The following TSPAN18 variants were observed in gnomAD, a reference collection of about 807,000 sequenced individuals.
TSPAN18 encodes tetraspanin-18.
A neutral mutation model predicts 27.3 loss-of-function variants in TSPAN18; 14 were observed. The ratio of observed to expected loss-of-function variants is 0.51; its 90% CI spans 0.34 to 0.80. The LOEUF (loss-of-function observed/expected upper bound fraction) is 0.80, where lower values mean the gene tolerates loss of function less well. Among genes scored for constraint, TSPAN18 ranks in the 30% least tolerant of loss-of-function variants. TSPAN18 has a pLI of 0.01. For missense variants in TSPAN18, 268 were observed against 323.9 expected (o/e 0.83, Z 1.32); for synonymous variants, 143 against 136.5 (o/e 1.05, Z -0.33).
At chr11:44,887,194 C>G (rs1365594058) in intron 3 of TSPAN18, among the ~76,000 whole-genome samples, 1 of 152,226 alleles carries the variant, frequency 6.6e-6, no homozygotes, top group Non-Finnish European at 1.5e-5. Context: ...GGGCCCCTGC[C>G]CCATGCCCCA....
chr11:44,790,998 G>A lies in TSPAN18; in HGVS notation c.-153+26486G>A, dbSNP rs192077712. 8.7e-4 allele frequency among the ~76,000 whole-genome samples: 132 copies of A among 152,314 alleles called. 2 individuals are homozygous for A. The highest frequency in any genetic ancestry group is 2.9e-3 in the African/African-American group (121 of 41,554). ...GTCCCCTCTTCTCCTGGGGGCATCA[G>A]TGCAGAGTCTATCCTGAGACTTCTC... On this transcript the variant is annotated intron_variant, in intron 2 of 9. Coordinates refer to ENST00000520358, the MANE Select transcript of TSPAN18 (RefSeq NM_130783.5).
rs1860479325 is a variant in TSPAN18 at position 44,929,186 on chromosome 11, GGCCTGAA to G, written c.*17_*23del. 6.2e-7 allele frequency: 1 copy of G among 1,613,360 alleles called. No individual in the cohort carries two copies. The highest frequency in any genetic ancestry group is 1.3e-5 in the African/African-American group (1 of 74,894). ...TTCCGGGGCATCCAGTAGAGGGTAT[GGCCTGAA>G]GCCTGAAGACTCGCCCCACCCACCA... On this transcript the variant is annotated 3_prime_UTR_variant, in exon 10 of 10. Coordinates refer to ENST00000520358, the MANE Select transcript of TSPAN18 (RefSeq NM_130783.5).
At chr11:44,895,085 T>C (rs1373866084) in intron 3 of TSPAN18, among the ~76,000 whole-genome samples, 2 of 152,154 alleles carry the variant, frequency 1.3e-5, no homozygotes, top group Non-Finnish European at 2.9e-5. Flanking sequence ...AGGAGAAAGG[T>C]ATAGTGGAGT....
At chr11:44,731,293 G>C (rs1010323002) in intron 1 of TSPAN18, among the ~76,000 whole-genome samples, 2 of 152,166 alleles carry the variant, frequency 1.3e-5, no homozygotes, top group African/African-American at 4.8e-5. Context: ...GTGCGTGGTG[G>C]TTAAACTGCC....
intron 2 of TSPAN18, among the ~76,000 whole-genome samples, chr11:44,846,847 G>T (rs945263920): frequency 3.3e-5 from 5 of 152,272 alleles, no homozygotes; most frequent in East Asian, 1.9e-4. Context: ...CCTGGGAGTG[G>T]CAGGTCCCCG....
intron 1 of TSPAN18, among the ~76,000 whole-genome samples, chr11:44,730,775 C>T (rs944553946): frequency 3.3e-5 from 5 of 152,136 alleles, no homozygotes; most frequent in African/African-American, 1.2e-4. Flanking sequence ...AGGTGTGTGC[C>T]ACCACACCTG....
chr11:44,906,025 T>A (rs1038773482), intron 3 of TSPAN18, among the ~76,000 whole-genome samples: 1 of 152,188 alleles, frequency 6.6e-6, no homozygotes, highest in African/African-American at 2.4e-5. Context: ...ACACCTGCAG[T>A]AGAGCAACAA....
chr11:44,900,679 G>C (rs1331755689), intron 3 of TSPAN18, among the ~76,000 whole-genome samples: 1 of 111,318 alleles, frequency 9.0e-6, no homozygotes, highest in African/African-American at 3.8e-5. Context: ...CTTGAGGAAG[G>C]CTTTTTTTTT....
intron 2 of TSPAN18, among the ~76,000 whole-genome samples, chr11:44,810,603 T>C (rs1856691604): frequency 7.1e-6 from 1 of 141,468 alleles, no homozygotes; most frequent in African/African-American, 2.6e-5. Context: ...CAATTTTTTT[T>C]CTTTTTTTTT....
At chr11:44,765,997 C>T (rs190400177) in intron 2 of TSPAN18, among the ~76,000 whole-genome samples, 11 of 152,290 alleles carry the variant, frequency 7.2e-5, no homozygotes, top group African/African-American at 2.4e-4. Context: ...CCTCAACACC[C>T]GCTCCACCTG....
chr11:44,854,537 G>A lies in TSPAN18; in HGVS notation c.-152-5791G>A, dbSNP rs929916660. On this transcript the variant is annotated intron_variant, in intron 2 of 9. Coordinates refer to ENST00000520358, the MANE Select transcript of TSPAN18 (RefSeq NM_130783.5). The stretch of plus-strand genomic sequence containing the variant: ...TCCTGCACCCTCTTAGACTGTGTTC[G>A]GCTTTGAGTGTCCTTTCTTGGGCAG... 1.5e-4 allele frequency among the ~76,000 whole-genome samples: 23 copies of A among 152,286 alleles called. 1 individual carries two copies. Among genetic ancestry groups the A allele is most frequent in the African/African-American group, 3.8e-4 (16 of 41,560 alleles).
At chr11:44,842,923 C>T (rs777258091) in intron 2 of TSPAN18, among the ~76,000 whole-genome samples, 4 of 152,080 alleles carry the variant, frequency 2.6e-5, no homozygotes, top group African/African-American at 4.8e-5. Context: ...TTTCCCTCCC[C>T]CTTCCCCCAC....
chr11:44,745,493 TTCAAAGTCAGCAAGAGAATCTAAGGGAG>T (rs1855050241), intron 1 of TSPAN18, among the ~76,000 whole-genome samples: 2 of 152,244 alleles, frequency 1.3e-5, no homozygotes, highest in South Asian at 4.1e-4. Flanking sequence ...TTATATAAAG[TTCAAAGTCAGCAAGAGAATCTAAGGGAG>T]TCAAAGTCAC....
chr11:44,910,546 T>C (rs1859670378), intron 5 of TSPAN18, among the ~76,000 whole-genome samples: 1 of 152,240 alleles, frequency 6.6e-6, no homozygotes, highest in South Asian at 2.1e-4. Context: ...GACATTGACC[T>C]TGATGTTTTT....
intron 3 of TSPAN18, among the ~76,000 whole-genome samples, chr11:44,901,801 T>C (rs1859271719): frequency 6.6e-6 from 1 of 152,184 alleles, no homozygotes; most frequent in Non-Finnish European, 1.5e-5. Flanking sequence ...TGAAGCCCAG[T>C]CTGTGCATAC....
intron 9 of TSPAN18, among the ~76,000 whole-genome samples, chr11:44,927,748 A>G (rs2135386953): frequency 6.6e-6 from 1 of 152,288 alleles, no homozygotes; most frequent in South Asian, 2.1e-4. Flanking sequence ...GACGTGTCCC[A>G]TGAAGGAATA....
At chr11:44,920,111 A>C in intron 8 of TSPAN18, 112 bp downstream of exon 8, 1 of 1,130,502 alleles carries the variant, frequency 8.8e-7, no homozygotes, top group Non-Finnish European at 1.2e-6. Context: ...CAGGAATCCC[A>C]GGGAAGTGTT....
In TSPAN18 at chr11:44,931,505, C is replaced by T. The variant is rs115452978; in HGVS notation, c.*2327C>T. 6,900 of 152,710 alleles carry T rather than the reference C, an allele frequency of 0.045. 515 individuals carry two copies. Among genetic ancestry groups the T allele is most frequent in the African/African-American group, 0.16 (6,525 of 41,356 alleles). The allele number at this position is 152,710 out of a possible 1,614,324, so 9.5% of individuals were successfully genotyped here. ...TGGCTAAGGTGGGTTCAAGGGCAGA[C>T]ACAAGACTGCCCCTCAGCAGCTTTC... On this transcript the variant is annotated 3_prime_UTR_variant, in exon 10 of 10. Transcript: ENST00000520358.
chr11:44,864,395 T>C (rs888406986), intron 3 of TSPAN18, among the ~76,000 whole-genome samples: 2 of 152,084 alleles, frequency 1.3e-5, no homozygotes, highest in Non-Finnish European at 2.9e-5. Flanking sequence ...ATTTATTCAT[T>C]CATTCACCAA....
Sources: allele counts gnomAD v4.1 joint callset (sites outside exome capture counted in the v4.1 genomes callset), GRCh38; gene constraint gnomAD v4.1.1; transcripts MANE v1.5; gene names NCBI Gene and HGNC (gene_info 2026-07-23, HGNC 2026-07-21).